The following FGF14 variants were observed in gnomAD, a reference collection of about 807,000 sequenced individuals.
FGF14 encodes fibroblast growth factor homologous factor 4.
A neutral mutation model predicts 25.5 loss-of-function variants in FGF14; 5 were observed. The observed-to-expected ratio is 0.20, with a 90% CI of 0.10 to 0.41. FGF14 has a LOEUF of 0.41. Among genes scored for constraint, FGF14 ranks in the 10% least tolerant of loss-of-function variants. The pLI, the probability that FGF14 is intolerant of heterozygous loss-of-function variation, is 1.00. For synonymous variants in FGF14, 138 were observed against 118.3 expected, an observed-to-expected ratio of 1.17 and a Z score of -1.08; for missense variants, 222 against 320.1, an observed-to-expected ratio of 0.69 and a Z score of 2.34.
At chr13:101,827,363 G>C (rs2042439102) in intron 3 of FGF14, among the ~76,000 whole-genome samples, 1 of 151,958 alleles carries the variant, frequency 6.6e-6, no homozygotes, top group African/African-American at 2.4e-5. Flanking sequence ...GTAGTGTAAG[G>C]ATAATAAAAT....
chr13:102,218,920 T>C (rs1020232683), intron 1 of FGF14, among the ~76,000 whole-genome samples: 1 of 152,176 alleles, frequency 6.6e-6, no homozygotes, highest in African/African-American at 2.4e-5. Context: ...AATTGTCCTT[T>C]TTATTTTTAA....
intron 3 of FGF14, among the ~76,000 whole-genome samples, chr13:101,862,133 AG>A (rs2044450969): frequency 6.6e-6 from 1 of 152,106 alleles, no homozygotes; most frequent in African/African-American, 2.4e-5. Flanking sequence ...TACACCACGT[AG>A]AAAGTTAGAA....
chr13:101,711,567 G>C lies in FGF14; in HGVS notation c.*11264C>G, dbSNP rs2034468762. On this transcript the variant is annotated 3_prime_UTR_variant, in exon 5 of 5. Coordinates refer to ENST00000376143, the MANE Select transcript of FGF14 (RefSeq NM_004115.4). ...CCTGGAGATACATCACAGATAGGCA[G>C]ATCACTAAAAAGAAGAGTGGATTGA... is the stretch of plus-strand genomic sequence containing the variant. 6.6e-6 allele frequency: 1 copy of C among 152,240 alleles called. No individual in the cohort carries two copies. The highest frequency in any genetic ancestry group is 1.5e-5 in the Non-Finnish European group (1 of 68,056). The allele number at this position is 152,240 out of a possible 1,614,324, so 9.4% of individuals were successfully genotyped here.
intron 1 of FGF14, among the ~76,000 whole-genome samples, chr13:102,172,152 C>A (rs1327832296): frequency 6.6e-6 from 1 of 151,926 alleles, no homozygotes; most frequent in Non-Finnish European, 1.5e-5. Flanking sequence ...TAAACTTAAA[C>A]CTGTATGTTT....
intron 1 of FGF14, among the ~76,000 whole-genome samples, chr13:102,028,185 G>A (rs1391652455): frequency 6.6e-6 from 1 of 151,960 alleles, no homozygotes; most frequent in African/African-American, 2.4e-5. Context: ...CTTCCCGAAT[G>A]GTCTGCATGC....
chr13:102,085,663 T>C (rs1394885277), intron 1 of FGF14, among the ~76,000 whole-genome samples: 2 of 152,250 alleles, frequency 1.3e-5, no homozygotes, highest in Non-Finnish European at 2.9e-5. Context: ...ATAACTTATT[T>C]TTATTAAGGT....
chr13:102,368,158 A>G (rs2057771738), intron 1 of FGF14: 1 of 152,204 alleles, frequency 6.6e-6, no homozygotes, highest in African/African-American at 2.4e-5. Flanking sequence ...TAGGCCACTG[A>G]GATTCGGGGT....
At chr13:102,372,494 T>C (rs1459998428) in intron 1 of FGF14, among the ~76,000 whole-genome samples, 1 of 152,140 alleles carries the variant, frequency 6.6e-6, no homozygotes, top group Non-Finnish European at 1.5e-5. Flanking sequence ...CGTATGCCAC[T>C]AGAAAGGCTA....
chr13:101,731,056 G>T (rs1161964278), intron 3 of FGF14, among the ~76,000 whole-genome samples: 7 of 152,104 alleles, frequency 4.6e-5, no homozygotes, highest in Non-Finnish European at 7.3e-5. Context: ...AACCTTGAGT[G>T]GGTCAAGGGG....
chr13:102,163,971 T>A (rs564318036), intron 1 of FGF14, among the ~76,000 whole-genome samples: 12 of 152,246 alleles, frequency 7.9e-5, no homozygotes, highest in African/African-American at 2.9e-4. Flanking sequence ...CCGTTGTAGA[T>A]TATCACGTTT....
chr13:101,781,405 G>A (rs921820975), intron 3 of FGF14, among the ~76,000 whole-genome samples: 4 of 152,192 alleles, frequency 2.6e-5, no homozygotes, highest in Non-Finnish European at 1.5e-5. Flanking sequence ...GCCTGATCAC[G>A]ATAGAAACTC....
intron 3 of FGF14, among the ~76,000 whole-genome samples, chr13:101,812,136 A>G (rs1279880512): frequency 6.6e-6 from 1 of 152,190 alleles, no homozygotes; most frequent in African/African-American, 2.4e-5. Context: ...AGATGAAAAG[A>G]TGTCATTCTT....
intron 1 of FGF14, among the ~76,000 whole-genome samples, chr13:101,888,218 T>C (rs1480050449): frequency 6.6e-6 from 1 of 152,152 alleles, no homozygotes; most frequent in African/African-American, 2.4e-5. Flanking sequence ...CTCAGCTTTT[T>C]CTCAAGAAGT....
At chr13:101,952,569 G>A (rs1049226700) in intron 1 of FGF14, among the ~76,000 whole-genome samples, 12 of 152,168 alleles carry the variant, frequency 7.9e-5, no homozygotes, top group African/African-American at 2.7e-4. Context: ...GTTTCCATAG[G>A]TAGTTAAGGG....
chr13:101,922,383 A>G (rs936303208), intron 1 of FGF14, among the ~76,000 whole-genome samples: 1 of 152,152 alleles, frequency 6.6e-6, no homozygotes, highest in African/African-American at 2.4e-5. Flanking sequence ...CTGAATTTCA[A>G]CAGTGACACC....
At chr13:102,086,734 G>T (rs1274474032) in intron 1 of FGF14, among the ~76,000 whole-genome samples, 1 of 152,074 alleles carries the variant, frequency 6.6e-6, no homozygotes, top group Non-Finnish European at 1.5e-5. Flanking sequence ...CTGTATTTCA[G>T]GCCCAAATAA....
At chr13:102,352,079 A>C (rs890344474) in intron 1 of FGF14, among the ~76,000 whole-genome samples, 1 of 152,326 alleles carries the variant, frequency 6.6e-6, no homozygotes, top group African/African-American at 2.4e-5. Context: ...TTTAAAACGC[A>C]GCTTTTTTGG....
rs190154772 is a variant in FGF14, at chr13:102,356,296, C to T, written c.208+45175G>A. On this transcript the variant is annotated intron_variant, in intron 1 of 4. Coordinates refer to the FGF14 transcript ENST00000376131. ...TTACTAAGAGCAAAACTTTTTAAAACGCAACCATGCAACTTTAAACAACAC... is the reference window on the plus strand; with the variant it reads ...TTACTAAGAGCAAAACTTTTTAAAATGCAACCATGCAACTTTAAACAACAC... Among the ~76,000 whole-genome samples the T allele has an allele frequency of 2.4e-3, 370 of 152,244 alleles. 1 individual carries two copies. The highest frequency in any genetic ancestry group is 8.6e-3 in the African/African-American group (358 of 41,540).
chr13:101,730,420 G>A (rs1357321679), intron 3 of FGF14, among the ~76,000 whole-genome samples: 2 of 152,082 alleles, frequency 1.3e-5, no homozygotes, highest in Non-Finnish European at 2.9e-5. Flanking sequence ...TGAACTTTCT[G>A]GTAGCCAGGA....
Sources: gnomAD v4.1 joint callset for allele counts (sites outside exome capture counted in the v4.1 genomes callset) on GRCh38, gnomAD v4.1.1 for gene constraint, MANE v1.5 for transcripts, NCBI Gene and HGNC (gene_info 2026-07-23, HGNC 2026-07-21) for gene names.